Variants in CNBD1 observed in about 807,000 individuals in gnomAD.
The protein encoded by CNBD1 is cyclic nucleotide-binding domain-containing protein 1.
Under a neutral mutation model 54.4 loss-of-function variants are expected in CNBD1, and 71 were observed. The observed-to-expected ratio is 1.30, with a 90% CI of 1.08 to 1.59. CNBD1 has a LOEUF of 1.59. Among genes scored for constraint, CNBD1 ranks in the 40% most tolerant of loss-of-function variants. The pLI, the probability that CNBD1 is intolerant of heterozygous loss-of-function variation, is 0.00. For synonymous variants in CNBD1, 182 were observed against 170.7 expected (o/e 1.07, Z -0.51); for missense variants, 659 against 518.0 (o/e 1.27, Z -2.64).
intron 4 of CNBD1, among the ~76,000 whole-genome samples, chr8:87,138,875 C>T (rs1328332889): frequency 6.6e-6 from 1 of 152,142 alleles, no homozygotes; most frequent in Non-Finnish European, 1.5e-5. Flanking sequence ...AAATGAATTT[C>T]AATAAATGAT....
chr8:87,000,856 T>C (rs1299418509), intron 4 of CNBD1, among the ~76,000 whole-genome samples: 3 of 152,134 alleles, frequency 2.0e-5, no homozygotes, highest in Admixed American at 2.0e-4. Flanking sequence ...ATTTGAAGAA[T>C]TTTTTTCTTT....
intron 6 of CNBD1, among the ~76,000 whole-genome samples, chr8:87,273,681 C>G (rs6468739): frequency 6.6e-6 from 1 of 151,712 alleles, no homozygotes; most frequent in Admixed American, 6.6e-5. Context: ...TTTGCTGATC[C>G]ACTCCTTTTC....
intron 2 of CNBD1, among the ~76,000 whole-genome samples, chr8:87,395,597 T>A (rs891872731): frequency 1.3e-5 from 2 of 151,898 alleles, no homozygotes; most frequent in Non-Finnish European, 2.9e-5. Flanking sequence ...CTTCTGAGAA[T>A]ATTATGAAGG....
At chr8:87,063,810 A>T (rs1361559316) in intron 4 of CNBD1, among the ~76,000 whole-genome samples, 1 of 152,012 alleles carries the variant, frequency 6.6e-6, no homozygotes, top group Non-Finnish European at 1.5e-5. Context: ...TGAAAGGAGG[A>T]TTTACATATA....
chr8:87,392,771 A>C (rs1445743954), intron 2 of CNBD1, among the ~76,000 whole-genome samples: 2 of 151,944 alleles, frequency 1.3e-5, no homozygotes, highest in African/African-American at 4.8e-5. Context: ...ATGAAAAACA[A>C]TAAATTGTTC....
chr8:87,129,089 A>AAAAAAAAAAAAAAAAAAAC, intron 4 of CNBD1, among the ~76,000 whole-genome samples: 1 of 146,204 alleles, frequency 6.8e-6, no homozygotes, highest in Admixed American at 6.8e-5. Context: ...AAAAAAAAAA[A>AAAAAAAAAAAAAAAAAAAC]AAGAATTTTG....
chr8:87,051,100 A>C (rs1810301903), intron 4 of CNBD1, among the ~76,000 whole-genome samples: 1 of 152,190 alleles, frequency 6.6e-6, no homozygotes, highest in Non-Finnish European at 1.5e-5. Flanking sequence ...CTGCCTAGCA[A>C]AGGAGTGAGA....
chr8:87,140,061 A>C (rs940850868), intron 4 of CNBD1, among the ~76,000 whole-genome samples: 3 of 152,184 alleles, frequency 2.0e-5, no homozygotes, highest in Non-Finnish European at 4.4e-5. Context: ...GGAAAAAAAA[A>C]TTGTAATAAC....
At chr8:87,279,112 G>GA (rs982817460) in intron 6 of CNBD1, among the ~76,000 whole-genome samples, 2 of 151,098 alleles carry the variant, frequency 1.3e-5, no homozygotes, top group African/African-American at 4.8e-5. Flanking sequence ...CATATGTAAA[G>GA]AAAAAAACAC....
intron 8 of CNBD1, among the ~76,000 whole-genome samples, chr8:87,336,979 G>A (rs1454441421): frequency 6.6e-6 from 1 of 152,066 alleles, no homozygotes. Context: ...GCGGTTTGCT[G>A]GGGGTTCACT....
intron 8 of CNBD1, among the ~76,000 whole-genome samples, chr8:87,315,262 A>G (rs1377715437): frequency 6.6e-6 from 1 of 152,220 alleles, no homozygotes; most frequent in African/African-American, 2.4e-5. Context: ...AAAGCTCTAT[A>G]CAAGCTGTGA....
chr8:87,265,136 C>A (rs1230675156), intron 6 of CNBD1, among the ~76,000 whole-genome samples: 1 of 152,060 alleles, frequency 6.6e-6, no homozygotes, highest in Non-Finnish European at 1.5e-5. Context: ...GGTTTTAGGT[C>A]TAACATGTGA....
intron 6 of CNBD1, among the ~76,000 whole-genome samples, chr8:87,241,115 A>G (rs1807691781): frequency 1.3e-5 from 2 of 152,062 alleles, no homozygotes; most frequent in African/African-American, 4.8e-5. Flanking sequence ...GGTATCTTTC[A>G]ATCTTTGCTG....
At chr8:87,128,395 A>C (rs577702149) in intron 4 of CNBD1, among the ~76,000 whole-genome samples, 1 of 152,130 alleles carries the variant, frequency 6.6e-6, no homozygotes. Context: ...GCCCTCCTGC[A>C]TGCTCCCTCT....
intron 6 of CNBD1, among the ~76,000 whole-genome samples, chr8:87,270,454 A>G (rs879048134): frequency 6.6e-6 from 1 of 151,864 alleles, no homozygotes; most frequent in Non-Finnish European, 1.5e-5. Flanking sequence ...ATTAAAAGTC[A>G]ACAAATAACA....
chr8:86,967,919 T>G (rs536316859), intron 4 of CNBD1, among the ~76,000 whole-genome samples: 63 of 152,070 alleles, frequency 4.1e-4, no homozygotes, highest in Non-Finnish European at 6.2e-4. Flanking sequence ...CTGCAGTAAA[T>G]AGGCCTTTGA....
At chr8:87,291,909 C>G (rs1453339971) in intron 8 of CNBD1, among the ~76,000 whole-genome samples, 1 of 152,102 alleles carries the variant, frequency 6.6e-6, no homozygotes, top group East Asian at 1.9e-4. Flanking sequence ...CAACAAATAT[C>G]TAGAATTTGC....
chr8:87,365,267 G>T (rs894037461), intron 10 of CNBD1, among the ~76,000 whole-genome samples: 2 of 151,904 alleles, frequency 1.3e-5, no homozygotes, highest in South Asian at 4.1e-4. Flanking sequence ...TAGTGATATT[G>T]TGCTTTTTTT....
chr8:87,286,612 C>T lies in CNBD1; in HGVS notation c.983C>T (p.Thr328Ile), dbSNP rs761200207. ...RMCPYYEEWP[T>I]LSIYELIALL... ...TGTCCTTATTATGAGGAATGGCCTACTTTATCCATATATGAGCTAATTGCA... is the reference window on the plus strand; with the variant it reads ...TGTCCTTATTATGAGGAATGGCCTATTTTATCCATATATGAGCTAATTGCA... Residue 328 changes from threonine to isoleucine, a missense_variant, in exon 8 of 11, where the codon ACT becomes ATT. Thr to Ile is a moderately conservative substitution (Grantham distance 89, BLOSUM62 -1). Coordinates refer to ENST00000518476, the MANE Select transcript of CNBD1 (RefSeq NM_173538.3). 44 of 1,521,618 alleles carry T rather than the reference C, an allele frequency of 2.9e-5. No individual in the cohort carries two copies. The highest frequency in any genetic ancestry group is 3.6e-5 in the Non-Finnish European group (40 of 1,119,250). The allele number at this position is 1,521,618 out of a possible 1,614,324, so 94.3% of individuals were successfully genotyped here.
Sources: gnomAD v4.1 joint callset for allele counts (sites outside exome capture counted in the v4.1 genomes callset) on GRCh38, gnomAD v4.1.1 for gene constraint, MANE v1.5 for transcripts, NCBI Gene and HGNC (gene_info 2026-07-23, HGNC 2026-07-21) for gene names.